Variants in LAMA2 observed in about 807,000 individuals in gnomAD.
LAMA2 encodes the protein laminin subunit alpha-2.
LAMA2 carries 269 observed loss-of-function variants against 364.8 expected under a neutral mutation model. The ratio of observed to expected loss-of-function variants is 0.74; its 90% CI spans 0.67 to 0.82. The LOEUF (loss-of-function observed/expected upper bound fraction) is 0.82. Among genes scored for constraint, LAMA2 ranks in the 40% least tolerant of loss-of-function variants. LAMA2 has a pLI of 0.00. For synonymous variants in LAMA2, 1,379 were observed against 1,370.6 expected, an observed-to-expected ratio of 1.01 and a Z score of -0.14; for missense variants, 3,807 against 3,873.2, an observed-to-expected ratio of 0.98 and a Z score of 0.45.
chr6:129,350,200 T>G (rs1776780219), intron 31 of LAMA2, among the ~76,000 whole-genome samples: 1 of 152,250 alleles, frequency 6.6e-6, no homozygotes, highest in African/African-American at 2.4e-5. Flanking sequence ...CTACTAACAT[T>G]ATACACACAT....
chr6:128,888,544 T>G (rs1039859642), intron 1 of LAMA2, among the ~76,000 whole-genome samples: 2 of 152,196 alleles, frequency 1.3e-5, no homozygotes, highest in African/African-American at 2.4e-5. Flanking sequence ...ATGGCTATTT[T>G]GTTGGTAAAG....
chr6:129,261,693 A>G lies in LAMA2; in HGVS notation c.2208+871A>G, dbSNP rs76135614. On this transcript the variant is annotated intron_variant, in intron 15 of 64. Coordinates refer to ENST00000421865, the MANE Select transcript of LAMA2 (RefSeq NM_000426.4). ...TGCCATTTATAGAAATACTCTAGGC[A>G]TTGCTTTGTCAGTTCTCTCGTACTT... 2.2e-3 allele frequency among the ~76,000 whole-genome samples: 337 copies of G among 152,230 alleles called. 1 individual carries two copies. The highest frequency in any genetic ancestry group is 2.9e-3 in the Admixed American group (44 of 15,254).
intron 27 of LAMA2, among the ~76,000 whole-genome samples, chr6:129,319,473 A>C (rs1774820248): frequency 6.6e-6 from 1 of 152,198 alleles, no homozygotes; most frequent in African/African-American, 2.4e-5. Flanking sequence ...ATGTACTCTT[A>C]ACATTTGAGG....
intron 49 of LAMA2, 112 bp downstream of exon 49, chr6:129,460,436 A>T: frequency 1.8e-6 from 2 of 1,117,052 alleles, no homozygotes; most frequent in Non-Finnish European, 2.7e-6. Context: ...GTTTGAAAGG[A>T]TTATACTCAG....
chr6:129,144,085 G>A lies in LAMA2; in HGVS notation c.819+5G>A. 6.2e-7 allele frequency: 1 copy of A among 1,605,556 alleles called. No individual in the cohort carries two copies. Among genetic ancestry groups the A allele is most frequent in the East Asian group, 2.2e-5 (1 of 44,788 alleles). On this transcript the variant is annotated splice_donor_5th_base_variant and intron_variant, in intron 5 of 64. Coordinates refer to ENST00000421865, the MANE Select transcript of LAMA2 (RefSeq NM_000426.4). ...GACCCCATTGTCACCAGAAGAGTAA[G>A]TTATGATGAATCATATTAGAGCCTA...
Position 129,104,336 on chromosome 6 carries a change from C to T in LAMA2, c.639+5921C>T, listed in dbSNP as rs1775700729. Among the ~76,000 whole-genome samples, 3 of 152,164 alleles carry T rather than the reference C, an allele frequency of 2.0e-5. No individual in the cohort carries two copies. The South Asian group carries it at 6.2e-4, about 32-fold the overall frequency. ...GAATTTTTAAGGCCCACCCATGTAA[C>T]AAGGCATTATGAAATAAACATGTCT... On this transcript the variant is annotated intron_variant, in intron 4 of 64. Coordinates refer to ENST00000421865, the MANE Select transcript of LAMA2 (RefSeq NM_000426.4).
At chr6:129,327,813 A>G (rs1042322689) in intron 28 of LAMA2, among the ~76,000 whole-genome samples, 2 of 152,174 alleles carry the variant, frequency 1.3e-5, no homozygotes, top group Non-Finnish European at 2.9e-5. Flanking sequence ...TTACTTTTAT[A>G]GTCTTTAAAT....
chr6:128,995,813 A>C (rs1036859583), intron 1 of LAMA2, among the ~76,000 whole-genome samples: 2 of 152,240 alleles, frequency 1.3e-5, no homozygotes, highest in Admixed American at 1.3e-4. Flanking sequence ...GTAAAACAAA[A>C]TAAGGACATA....
chr6:129,282,614 C>T (rs1421619379), intron 18 of LAMA2, among the ~76,000 whole-genome samples: 2 of 152,004 alleles, frequency 1.3e-5, no homozygotes, highest in Admixed American at 6.6e-5. Context: ...AGTATTTCAC[C>T]CAAGCATGTT....
At position 129,007,399 on chromosome 6, in the gene LAMA2, C is replaced by T. The variant is rs979117040; in HGVS notation, c.113-42519C>T. ...AGTGTGTGCCAGATAGATTGTATGC[C>T]TGCTACATAGTAGGCTCTTAATAAA... On this transcript the variant is annotated intron_variant, in intron 1 of 64. Coordinates refer to ENST00000421865, the MANE Select transcript of LAMA2 (RefSeq NM_000426.4). 2.6e-5 allele frequency among the ~76,000 whole-genome samples: 4 copies of T among 152,206 alleles called. 1 individual carries two copies. The Middle Eastern group carries it at 0.01, about 388-fold the overall frequency.
intron 2 of LAMA2, among the ~76,000 whole-genome samples, chr6:129,050,500 A>G (rs182021936): frequency 6.6e-6 from 1 of 152,320 alleles, no homozygotes; most frequent in East Asian, 1.9e-4. Context: ...TACAAAGGAA[A>G]GAATGAGCAC....
intron 40 of LAMA2, among the ~76,000 whole-genome samples, chr6:129,426,782 G>A (rs1381160894): frequency 6.6e-6 from 1 of 152,136 alleles, no homozygotes; most frequent in Admixed American, 6.5e-5. Context: ...ACCAAGTTCT[G>A]TAATCTTTTC....
chr6:129,483,320 C>G (rs533193542), intron 55 of LAMA2, among the ~76,000 whole-genome samples: 16 of 151,650 alleles, frequency 1.1e-4, no homozygotes, highest in African/African-American at 3.9e-4. Context: ...ACTATTTTGA[C>G]TGCACTGATC....
At chr6:129,157,485 T>G in intron 8 of LAMA2, 1 of 1,609,316 alleles carries the variant, frequency 6.2e-7, no homozygotes, top group Non-Finnish European at 8.5e-7. Flanking sequence ...TAAAAACAGT[T>G]CTTGCAGTCT....
At chr6:129,091,462 A>G (rs898637152) in intron 3 of LAMA2, among the ~76,000 whole-genome samples, 1 of 152,192 alleles carries the variant, frequency 6.6e-6, no homozygotes, top group East Asian at 1.9e-4. Flanking sequence ...TTTTTCTCTT[A>G]TAATACAGGA....
chr6:128,935,163 G>A (rs1305730527), intron 1 of LAMA2, among the ~76,000 whole-genome samples: 4 of 151,864 alleles, frequency 2.6e-5, no homozygotes, highest in Non-Finnish European at 4.4e-5. Context: ...TGCCGCACCC[G>A]TCAACTCATC....
chr6:129,208,616 GAAGA>G (rs140073793), intron 12 of LAMA2, among the ~76,000 whole-genome samples: 20,877 of 139,548 alleles, frequency 0.15, 1,468 homozygotes, highest in African/African-American at 0.19. Context: ...AGAAAGAATG[GAAGA>G]AAGAAAGAAA....
chr6:129,385,431 A>G (rs144727947), intron 35 of LAMA2, among the ~76,000 whole-genome samples: 1 of 151,978 alleles, frequency 6.6e-6, no homozygotes, highest in Non-Finnish European at 1.5e-5. Context: ...CTCTCTCTAA[A>G]CTATAATAAT....
chr6:128,883,478 G>T (rs1239077817), intron 1 of LAMA2, 121 bp downstream of exon 1: 1 of 1,482,308 alleles, frequency 6.7e-7, no homozygotes, highest in Non-Finnish European at 9.1e-7. Flanking sequence ...CAGAGAGTGC[G>T]CTCTGGGGCA....
Sources: gnomAD v4.1 joint callset for allele counts (sites outside exome capture counted in the v4.1 genomes callset) on GRCh38, gnomAD v4.1.1 for gene constraint, MANE v1.5 for transcripts, NCBI Gene and HGNC (gene_info 2026-07-23, HGNC 2026-07-21) for gene names.